ACER3: variants seen among roughly 807,000 people sequenced by gnomAD.
The protein encoded by ACER3 is alkaline ceramidase 3.
A neutral mutation model predicts 48.9 loss-of-function variants in ACER3; 16 were observed. That is an observed-to-expected ratio of 0.33 (90% confidence interval 0.22 to 0.50). The LOEUF (loss-of-function observed/expected upper bound fraction) is 0.50. Among genes scored for constraint, ACER3 ranks in the 20% least tolerant of loss-of-function variants. The pLI is 0.98. For missense variants in ACER3, 227 were observed against 326.0 expected, an observed-to-expected ratio of 0.70 and a Z score of 2.34; for synonymous variants, 109 against 107.8, an observed-to-expected ratio of 1.01 and a Z score of -0.07.
intron 6 of ACER3, among the ~76,000 whole-genome samples, chr11:76,996,730 T>C (rs1312923488): frequency 6.8e-6 from 1 of 146,656 alleles, no homozygotes; most frequent in Non-Finnish European, 1.5e-5. Context: ...TTTTTTTTTT[T>C]TTTTTTTTTT....
intron 1 of ACER3, among the ~76,000 whole-genome samples, chr11:76,884,434 C>T (rs762669609): frequency 3.3e-5 from 5 of 150,146 alleles, no homozygotes; most frequent in Non-Finnish European, 7.4e-5. Flanking sequence ...CCAAGTTACT[C>T]CATTATGGCT....
At chr11:76,998,483 T>G in intron 6 of ACER3, 1 of 351,564 alleles carries the variant, frequency 2.8e-6, no homozygotes, top group Non-Finnish European at 5.1e-6. Context: ...TTGTTCAGGT[T>G]TCAGCAGATA....
intron 1 of ACER3, among the ~76,000 whole-genome samples, chr11:76,916,686 A>G (rs1363493489): frequency 1.3e-5 from 2 of 152,204 alleles, no homozygotes; most frequent in African/African-American, 4.8e-5. Flanking sequence ...AGATTATGTC[A>G]TTTCAATAAT....
At chr11:76,885,758 G>A (rs545999538) in intron 1 of ACER3, among the ~76,000 whole-genome samples, 4 of 152,132 alleles carry the variant, frequency 2.6e-5, no homozygotes. Flanking sequence ...TGATAAATGA[G>A]GTAGTTGGGA....
At chr11:77,002,913 T>G (rs1949063273) in intron 7 of ACER3, among the ~76,000 whole-genome samples, 1 of 152,018 alleles carries the variant, frequency 6.6e-6, no homozygotes, top group South Asian at 2.1e-4. Flanking sequence ...GAGACACAAA[T>G]AAAATGGTGA....
rs1555024476 is a variant in ACER3, at chr11:77,021,520, A to C, written c.*1193A>C. 1.3e-5 allele frequency: 2 copies of C among 152,206 alleles called. No homozygotes were observed. Among genetic ancestry groups the C allele is most frequent in the Non-Finnish European group, 2.9e-5 (2 of 68,036 alleles). 9.4% of individuals were successfully genotyped at this position (152,206 alleles called of 1,614,324 possible). A position where few individuals can be genotyped will look rare whatever the true frequency, so the allele number is the denominator to read the frequency against. On this transcript the variant is annotated 3_prime_UTR_variant, in exon 11 of 11. Coordinates refer to ENST00000532485, the MANE Select transcript of ACER3 (RefSeq NM_018367.7). ...TTTCACAAACTTAACACCTGCCTGGAGTAAAAATCTGATTTGACCCCTCTG... is the reference window on the plus strand; with the variant it reads ...TTTCACAAACTTAACACCTGCCTGGCGTAAAAATCTGATTTGACCCCTCTG...
chr11:76,971,537 CA>C (rs1279851196), intron 3 of ACER3, among the ~76,000 whole-genome samples: 4 of 135,062 alleles, frequency 3.0e-5, no homozygotes, highest in African/African-American at 8.4e-5. Flanking sequence ...GACTCCATCT[CA>C]AAAAAAAAGA....
chr11:76,865,637 T>G (rs1302794789), intron 1 of ACER3, among the ~76,000 whole-genome samples: 1 of 151,378 alleles, frequency 6.6e-6, no homozygotes, highest in Admixed American at 6.6e-5. Context: ...GCCACCCACA[T>G]AACTGGGATT....
intron 7 of ACER3, among the ~76,000 whole-genome samples, chr11:77,012,185 C>T (rs1419835039): frequency 2.0e-5 from 3 of 151,896 alleles, no homozygotes; most frequent in African/African-American, 4.8e-5. Context: ...TTTGGCAGGC[C>T]GAGGTGGGTG....
intron 4 of ACER3, 136 bp downstream of exon 4, chr11:76,976,477 A>C: frequency 3.7e-6 from 2 of 544,992 alleles, no homozygotes; most frequent in Non-Finnish European, 6.2e-6. Context: ...TATGATATCA[A>C]TATAGAGTAT....
chr11:76,936,316 G>C (rs1947183560), intron 2 of ACER3, among the ~76,000 whole-genome samples: 1 of 152,124 alleles, frequency 6.6e-6, no homozygotes. Context: ...CTAGTCACTG[G>C]GGCAAAGATG....
chr11:76,978,688 T>C (rs1008286210), intron 4 of ACER3: 3 of 153,764 alleles, frequency 2.0e-5, no homozygotes, highest in Admixed American at 1.3e-4. Flanking sequence ...TTGCAGGAGA[T>C]AAGAAGGAGA....
intron 7 of ACER3, 46 bp downstream of exon 7, chr11:76,998,867 C>T: frequency 1.4e-6 from 2 of 1,426,316 alleles, no homozygotes; most frequent in Non-Finnish European, 1.9e-6. Flanking sequence ...TATATTCAGA[C>T]CTATAACAGT....
chr11:76,933,066 A>G (rs892594779), intron 2 of ACER3, among the ~76,000 whole-genome samples: 17 of 151,716 alleles, frequency 1.1e-4, no homozygotes, highest in African/African-American at 3.6e-4. Flanking sequence ...GCGTTAGTGA[A>G]AGGAAAGAAG....
At chr11:76,938,526 C>A (rs188143375) in intron 2 of ACER3, among the ~76,000 whole-genome samples, 4 of 152,178 alleles carry the variant, frequency 2.6e-5, no homozygotes, top group Non-Finnish European at 1.5e-5. Flanking sequence ...CCTATGTTGC[C>A]CAGGCTGGTC....
At chr11:76,929,755 A>T (rs551811744) in intron 2 of ACER3, among the ~76,000 whole-genome samples, 2 of 152,312 alleles carry the variant, frequency 1.3e-5, no homozygotes, top group African/African-American at 4.8e-5. Flanking sequence ...GCTTCTGTTT[A>T]TATGCTGGAT....
chr11:76,874,143 A>G (rs866004967), intron 1 of ACER3, among the ~76,000 whole-genome samples: 1 of 152,216 alleles, frequency 6.6e-6, no homozygotes, highest in South Asian at 2.1e-4. Context: ...GGGAAAGTAC[A>G]TGGTATAATG....
At chr11:76,919,583 A>G (rs747167617) in intron 1 of ACER3, among the ~76,000 whole-genome samples, 44 of 152,188 alleles carry the variant, frequency 2.9e-4, no homozygotes, top group Non-Finnish European at 5.4e-4. Flanking sequence ...AGTGTTCAAA[A>G]TATTTTAGTA....
rs1356629424 is a variant in ACER3, at chr11:76,984,060, T to C, written c.321-1583T>C. ...ACCTCGGCCTCCCAAAGTGCTGGGA[T>C]TACAGGCGTGAGCCACCGCACCTGG... On this transcript the variant is annotated intron_variant, in intron 4 of 10. Coordinates refer to ENST00000532485, the MANE Select transcript of ACER3 (RefSeq NM_018367.7). Among the ~76,000 whole-genome samples, 3 of 152,176 alleles carry C rather than the reference T, an allele frequency of 2.0e-5. No homozygotes were observed. The East Asian group carries it at 5.8e-4, about 29-fold the overall frequency.
Sources: allele counts gnomAD v4.1 joint callset (sites outside exome capture counted in the v4.1 genomes callset), GRCh38; gene constraint gnomAD v4.1.1; transcripts MANE v1.5; gene names NCBI Gene and HGNC (gene_info 2026-07-23, HGNC 2026-07-21).